The following SPTBN1 variants were observed in gnomAD, a reference collection of about 807,000 sequenced individuals.
SPTBN1 encodes spectrin beta chain, non-erythrocytic 1.
A neutral mutation model predicts 266.4 loss-of-function variants in SPTBN1; 32 were observed. The observed-to-expected ratio is 0.12, with a 90% CI of 0.09 to 0.16. The LOEUF is 0.16. Ranked by LOEUF, SPTBN1 falls within the 10% of genes least tolerant of loss-of-function variation. The pLI is 1.00. For missense variants in SPTBN1, 2,296 were observed against 3,067.1 expected (o/e 0.75, Z 5.94); for synonymous variants, 1,336 against 1,162.2 (o/e 1.15, Z -3.04).
At chr2:54,614,262 A>G (rs567244102) in intron 4 of SPTBN1, among the ~76,000 whole-genome samples, 38 of 152,200 alleles carry the variant, frequency 2.5e-4, no homozygotes, top group Non-Finnish European at 5.1e-4. Context: ...GATATCCAGC[A>G]TATCTATAAG....
intron 1 of SPTBN1, among the ~76,000 whole-genome samples, chr2:54,457,600 G>A (rs1489844927): frequency 3.3e-5 from 5 of 152,186 alleles, no homozygotes; most frequent in African/African-American, 1.2e-4. Flanking sequence ...GGCTCACGGT[G>A]CCCTCGCCGT....
chr2:54,644,263 A>T (rs1679777377), intron 19 of SPTBN1, 60 bp from the exon 20 acceptor site: 1 of 1,563,096 alleles, frequency 6.4e-7, no homozygotes, highest in Non-Finnish European at 8.7e-7. Flanking sequence ...TGTTTTTCAC[A>T]GTGACATTTT....
At chr2:54,486,850 A>G (rs1158767500) in intron 1 of SPTBN1, among the ~76,000 whole-genome samples, 1 of 152,148 alleles carries the variant, frequency 6.6e-6, no homozygotes, top group Non-Finnish European at 1.5e-5. Context: ...GGAGGAGGCC[A>G]GGTGTGGTGG....
At position 54,499,961 on chromosome 2, in the gene SPTBN1, C is replaced by A. The variant is rs144186418; in HGVS notation, c.-47-26411C>A. Among the ~76,000 whole-genome samples, 299 of 152,288 alleles carry A rather than the reference C, an allele frequency of 2.0e-3. 9 individuals are homozygous for A. The East Asian group carries it at 0.056, about 28-fold the overall frequency. On this transcript the variant is annotated intron_variant, in intron 1 of 35. Transcript: ENST00000356805. ...AGGATGTGTTTTCCAGATGAAGGCG[C>A]AAATGGTAATTGAAATGTAATCAGT... is the stretch of plus-strand genomic sequence containing the variant.
chr2:54,484,009 A>G (rs1162719700), intron 1 of SPTBN1, among the ~76,000 whole-genome samples: 2 of 152,136 alleles, frequency 1.3e-5, no homozygotes, highest in Non-Finnish European at 2.9e-5. Flanking sequence ...AGCCTGGGAA[A>G]CATGGTGAAA....
chr2:54,575,504 A>G (rs1394642035), intron 2 of SPTBN1, among the ~76,000 whole-genome samples: 1 of 152,230 alleles, frequency 6.6e-6, no homozygotes, highest in Non-Finnish European at 1.5e-5. Flanking sequence ...ACGTCCACCC[A>G]CTTGTGGATA....
At chr2:54,538,587 A>G (rs1671753535) in intron 2 of SPTBN1, among the ~76,000 whole-genome samples, 2 of 152,072 alleles carry the variant, frequency 1.3e-5, no homozygotes, top group South Asian at 4.2e-4. Context: ...TACAATTCTT[A>G]TTTCTTCTGT....
chr2:54,534,699 A>T (rs1056892237), intron 2 of SPTBN1, among the ~76,000 whole-genome samples: 1 of 152,098 alleles, frequency 6.6e-6, no homozygotes, highest in African/African-American at 2.4e-5. Context: ...ATCAGCTTGG[A>T]TTCCTTCTCC....
In SPTBN1 at chr2:54,623,616, T is replaced by G. The variant is rs571260421; in HGVS notation, c.1182+20T>G. The G allele has an allele frequency of 7.5e-6, 12 of 1,595,376 alleles. No homozygotes were observed. Among genetic ancestry groups the G allele is most frequent in the African/African-American group, 5.4e-5 (4 of 74,458 alleles). ...AACAAGGTAAAGTGGATCTGGACTC[T>G]GCATGGGCCCTGACCTCCTGGAGGC... On this transcript the variant is annotated intron_variant, in intron 10 of 35. Coordinates refer to ENST00000356805, the MANE Select transcript of SPTBN1 (RefSeq NM_003128.3).
chr2:54,657,169 T>A (rs894453762), intron 29 of SPTBN1, among the ~76,000 whole-genome samples: 1 of 152,260 alleles, frequency 6.6e-6, no homozygotes, highest in African/African-American at 2.4e-5. Flanking sequence ...AGTGTTCCAT[T>A]TCCTCACAGG....
At chr2:54,599,596 G>GA (rs1433058859) in intron 3 of SPTBN1, among the ~76,000 whole-genome samples, 1 of 152,216 alleles carries the variant, frequency 6.6e-6, no homozygotes, top group African/African-American at 2.4e-5. Context: ...TGCGATGATG[G>GA]AATGTTTTCT....
chr2:54,670,888 A>G lies in SPTBN1; in HGVS notation c.*2319A>G, dbSNP rs1470163117. 2 of 398,326 alleles carry G rather than the reference A, an allele frequency of 5.0e-6. No individual in the cohort carries two copies. Among genetic ancestry groups the G allele is most frequent in the Non-Finnish European group, 4.4e-6 (1 of 226,034 alleles). 24.7% of individuals were successfully genotyped at this position (398,326 alleles called of 1,614,324 possible). ...AGACCCCAGTCAAGACGTGTTCGCC[A>G]TCAGAGGTTACAGGCCGCACAGCCT... On this transcript the variant is annotated 3_prime_UTR_variant, in exon 36 of 36. Transcript: ENST00000356805.
intron 30 of SPTBN1, 36 bp from the exon 31 acceptor site, chr2:54,659,118 T>C: frequency 6.2e-7 from 1 of 1,607,644 alleles, no homozygotes. Context: ...AGGCAGAGTT[T>C]GGGACTCTAC....
rs1287979528 is a variant in SPTBN1, at chr2:54,653,774, C to T, written c.5743C>T (p.Arg1915Cys). ...VRLVDTGDKF[R>C]FFSMVRDLML... ...GCTGGTGGACACAGGGGACAAGTTCCGCTTCTTCAGCATGGTGCGCGACCT... is the reference window on the plus strand; with the variant it reads ...GCTGGTGGACACAGGGGACAAGTTCTGCTTCTTCAGCATGGTGCGCGACCT... The change falls in exon 27 of 36, where the codon CGC (arginine) becomes TGC (cysteine). Residue 1915 changes from arginine (R) to cysteine (C), a missense_variant. Transcript: ENST00000356805. The surrounding 1 kb of genome is among the most constrained non-coding windows in gnomAD (Gnocchi z 5.1). The T allele has an allele frequency of 1.2e-6, 2 of 1,614,242 alleles. No individual in the cohort carries two copies. The highest frequency in any genetic ancestry group is 2.2e-5 in the South Asian group (2 of 91,086).
Position 54,669,252 on chromosome 2 carries a change from T to TTTG in SPTBN1, c.*683_*684insTTG, listed in dbSNP as rs1553358905. The TTTG allele has an allele frequency of 1.3e-5, 2 of 151,904 alleles. No individual in the cohort carries two copies. Among genetic ancestry groups the TTTG allele is most frequent in the Non-Finnish European group, 1.5e-5 (1 of 67,998 alleles). The allele number at this position is 151,904 out of a possible 1,614,324, so 9.4% of individuals were successfully genotyped here. A position where few individuals can be genotyped will look rare whatever the true frequency, so the allele number is the denominator to read the frequency against. ...ATCTGTAATTTCAATTTTTTTTTTT[T>TTTG]GCTGAAATACATTATATTGTACGTT... On this transcript the variant is annotated 3_prime_UTR_variant, in exon 36 of 36. Coordinates refer to ENST00000356805, the MANE Select transcript of SPTBN1 (RefSeq NM_003128.3).
At chr2:54,550,501 C>T (rs993084527) in intron 2 of SPTBN1, among the ~76,000 whole-genome samples, 2 of 152,220 alleles carry the variant, frequency 1.3e-5, no homozygotes, top group Non-Finnish European at 2.9e-5. Flanking sequence ...ACACCCCCAA[C>T]TATATTACCT....
intron 1 of SPTBN1, among the ~76,000 whole-genome samples, chr2:54,519,425 G>GTGAC (rs1239442031): frequency 6.6e-6 from 1 of 152,214 alleles, no homozygotes; most frequent in Admixed American, 6.5e-5. Context: ...GGTGGTGGTG[G>GTGAC]TGGTGAGTGA....
chr2:54,661,726 T>G (rs896384694), intron 32 of SPTBN1: 5 of 985,530 alleles, frequency 5.1e-6, no homozygotes, highest in African/African-American at 3.5e-5. Flanking sequence ...TGTATATATG[T>G]GATGTTTTCA....
chr2:54,615,924 T>C (rs1046007086), intron 4 of SPTBN1, among the ~76,000 whole-genome samples: 1 of 152,214 alleles, frequency 6.6e-6, no homozygotes, highest in Non-Finnish European at 1.5e-5. Context: ...TGTGCTAGAT[T>C]CTCACTGGAA....
Sources: allele counts gnomAD v4.1 joint callset (sites outside exome capture counted in the v4.1 genomes callset), GRCh38; gene constraint gnomAD v4.1.1; non-coding constraint Gnocchi (gnomAD v3.1); transcripts MANE v1.5; gene names NCBI Gene and HGNC (gene_info 2026-07-23, HGNC 2026-07-21).